The following PRKCZ variants were observed in gnomAD, a reference collection of about 807,000 sequenced individuals.
The protein encoded by PRKCZ is protein kinase C zeta, also known as protein kinase C zeta type.
Under a neutral mutation model 79.5 loss-of-function variants are expected in PRKCZ, and 33 were observed. The ratio of observed to expected loss-of-function variants is 0.41; its 90% CI spans 0.31 to 0.55. The LOEUF is 0.55. PRKCZ is among the 20% of genes least tolerant of loss of function. PRKCZ has a pLI of 0.19. For missense variants in PRKCZ, 578 were observed against 813.5 expected (o/e 0.71, Z 3.52); for synonymous variants, 342 against 320.9 (o/e 1.07, Z -0.70).
intron 10 of PRKCZ, among the ~76,000 whole-genome samples, chr1:2,164,741 T>C (rs1683001464): frequency 6.6e-6 from 1 of 152,206 alleles, no homozygotes; most frequent in African/African-American, 2.4e-5. Context: ...ACATTCTAAA[T>C]TGCGTTATTA....
At position 2,062,805 on chromosome 1, in the gene PRKCZ, A is replaced by T. The variant is rs57112956; in HGVS notation, c.334+3214A>T. On this transcript the variant is annotated intron_variant, in intron 4 of 17. Transcript: ENST00000378567. ...GCCTGTCCCCATCTTAGCCATTAAA[A>T]TTTAAAGGTTCAATTCACTGGTATT... 0.011 allele frequency among the ~76,000 whole-genome samples: 1,638 copies of T among 152,108 alleles called. 135 individuals are homozygous for T. In the East Asian group the frequency reaches 0.21, roughly 19 times the overall value.
chr1:2,096,438 G>A (rs1225895681), intron 4 of PRKCZ, among the ~76,000 whole-genome samples: 6 of 152,136 alleles, frequency 3.9e-5, no homozygotes, highest in Non-Finnish European at 8.8e-5. Context: ...AGTTTCCCCA[G>A]TTGGTGGTGT....
intron 4 of PRKCZ, among the ~76,000 whole-genome samples, chr1:2,130,481 G>A (rs1342983527): frequency 2.6e-5 from 4 of 152,142 alleles, no homozygotes; most frequent in Non-Finnish European, 2.9e-5. Flanking sequence ...CTCCCACCTC[G>A]GAGACCCTGT....
At chr1:2,059,734 A>G (rs2247923) in intron 4 of PRKCZ, 143 bp downstream of exon 4, 413,485 of 1,068,914 alleles carry the variant, frequency 0.39, 94,002 homozygotes, top group African/African-American at 0.81. Flanking sequence ...TGGTGACCGC[A>G]GGTGGGGTTT....
intron 4 of PRKCZ, among the ~76,000 whole-genome samples, chr1:2,133,307 C>G (rs931730898): frequency 6.6e-6 from 1 of 151,144 alleles, no homozygotes; most frequent in Non-Finnish European, 1.5e-5. Flanking sequence ...GCTCCGCCCG[C>G]AGCTGCACGT....
At chr1:2,104,770 C>T (rs1668086973) in intron 4 of PRKCZ, 1 of 985,806 alleles carries the variant, frequency 1.0e-6, no homozygotes, top group African/African-American at 1.7e-5. Flanking sequence ...CTGCGGGGCT[C>T]ACTGCTGCCC....
Position 2,172,416 on chromosome 1 carries a change from G to A in PRKCZ, c.1285+28G>A, listed in dbSNP as rs539785115. The A allele has an allele frequency of 6.4e-5, 102 of 1,597,340 alleles. No homozygotes were observed. In the Middle Eastern group the frequency reaches 1.7e-3, roughly 26 times the overall value. On this transcript the variant is annotated intron_variant, in intron 13 of 17. Coordinates refer to ENST00000378567, the MANE Select transcript of PRKCZ (RefSeq NM_002744.6). This position sits in a 1 kb window ranked among gnomAD's most constrained non-coding sequence, Gnocchi z 7.8. ...GAGTGCCGCTGCCCTGGCCCCTCTCGGAGCACACAGGGCCAGAGATGGCTT... is the reference window on the plus strand; with the variant it reads ...GAGTGCCGCTGCCCTGGCCCCTCTCAGAGCACACAGGGCCAGAGATGGCTT...
chr1:2,109,120 C>G (rs1433157906), intron 4 of PRKCZ, among the ~76,000 whole-genome samples: 3 of 152,240 alleles, frequency 2.0e-5, no homozygotes, highest in African/African-American at 7.2e-5. Flanking sequence ...CCACGTCCTT[C>G]ACTTCATCGT....
At chr1:2,176,044 G>A (rs1685436920) in intron 16 of PRKCZ, among the ~76,000 whole-genome samples, 1 of 152,146 alleles carries the variant, frequency 6.6e-6, no homozygotes, top group African/African-American at 2.4e-5. Context: ...GTCGGGTATT[G>A]AAGGAGAGTG....
At position 2,174,595 on chromosome 1, in the gene PRKCZ, G is replaced by A. The variant is rs1019195984; in HGVS notation, c.1406-159G>A. The stretch of plus-strand genomic sequence containing the variant: ...CCAGGAGGCCCAGGGAGGACCCGGC[G>A]GGACTCCGGGTTATAGATATTGCTG... On this transcript the variant is annotated intron_variant, in intron 14 of 17. Coordinates refer to ENST00000378567, the MANE Select transcript of PRKCZ (RefSeq NM_002744.6). This position sits in a 1 kb window ranked among gnomAD's most constrained non-coding sequence, Gnocchi z 6.2. Among the ~76,000 whole-genome samples, 8 of 152,240 alleles carry A rather than the reference G, an allele frequency of 5.3e-5. No individual in the cohort carries two copies. The highest frequency in any genetic ancestry group is 1.3e-4 in the Admixed American group (2 of 15,288).
chr1:2,134,920 G>A (rs1223793834), intron 4 of PRKCZ: 1 of 177,592 alleles, frequency 5.6e-6, no homozygotes, highest in African/African-American at 2.4e-5. Context: ...AAAACAGGCA[G>A]GGGACAGACG....
intron 4 of PRKCZ, among the ~76,000 whole-genome samples, chr1:2,124,870 C>T (rs375750895): frequency 1.2e-4 from 19 of 152,244 alleles, no homozygotes; most frequent in East Asian, 3.9e-4. Flanking sequence ...ATGCCTCCAA[C>T]GCGGTTTTTA....
intron 4 of PRKCZ, among the ~76,000 whole-genome samples, chr1:2,105,943 C>T (rs536632917): frequency 2.0e-5 from 3 of 152,240 alleles, no homozygotes; most frequent in Non-Finnish European, 4.4e-5. Context: ...CACACACATG[C>T]TGGGACCACG....
At chr1:2,099,128 G>A (rs754286554) in intron 4 of PRKCZ, among the ~76,000 whole-genome samples, 7 of 152,038 alleles carry the variant, frequency 4.6e-5, no homozygotes, top group Non-Finnish European at 1.0e-4. Flanking sequence ...TGGGATATTC[G>A]TTGGAGAAGG....
rs1311433223 is a variant in PRKCZ at position 2,177,852 on chromosome 1, G to A, written c.1575+2539G>A. Among the ~76,000 whole-genome samples the A allele has an allele frequency of 1.3e-5, 2 of 152,130 alleles. No individual in the cohort carries two copies. The highest frequency in any genetic ancestry group is 2.9e-5 in the Non-Finnish European group (2 of 68,006). ...TGTGTTGTGACTTCCATCCCAGCCT[G>A]AGAGGCCTGCGAAGGGCTTGCCACC... On this transcript the variant is annotated intron_variant, in intron 16 of 17. Coordinates refer to ENST00000378567, the MANE Select transcript of PRKCZ (RefSeq NM_002744.6). The surrounding 1 kb of genome is among the most constrained non-coding windows in gnomAD (Gnocchi z 6.4).
chr1:2,088,966 A>G (rs1571282074), intron 4 of PRKCZ, among the ~76,000 whole-genome samples: 1 of 152,164 alleles, frequency 6.6e-6, no homozygotes, highest in Non-Finnish European at 1.5e-5. Flanking sequence ...CCGAGAGCAT[A>G]TCGTTTTTAA....
chr1:2,048,958 G>C (rs1395071347), upstream of PRKCZ, among the ~76,000 whole-genome samples: 1 of 152,178 alleles, frequency 6.6e-6, no homozygotes, highest in Non-Finnish European at 1.5e-5. Context: ...CTGAGGTCAG[G>C]AGTTCGAGAC....
At chr1:2,092,664 C>A (rs1018312651) in intron 4 of PRKCZ, among the ~76,000 whole-genome samples, 1 of 152,204 alleles carries the variant, frequency 6.6e-6, no homozygotes, top group African/African-American at 2.4e-5. Context: ...ATAATTTATT[C>A]ATGGATTTTA....
intron 4 of PRKCZ, among the ~76,000 whole-genome samples, chr1:2,085,092 G>A (rs1370502686): frequency 6.6e-6 from 1 of 152,124 alleles, no homozygotes; most frequent in Non-Finnish European, 1.5e-5. Flanking sequence ...AAGGTGCTGT[G>A]TCCCTGCCCT....
Sources: gnomAD v4.1 joint callset for allele counts (sites outside exome capture counted in the v4.1 genomes callset) on GRCh38, gnomAD v4.1.1 for gene constraint, Gnocchi (gnomAD v3.1) non-coding constraint, MANE v1.5 for transcripts, NCBI Gene and HGNC (gene_info 2026-07-23, HGNC 2026-07-21) for gene names.